Variants in RGS6 observed in about 807,000 individuals in gnomAD.
RGS6 encodes the protein regulator of G-protein signaling 6.
A neutral mutation model predicts 78.5 loss-of-function variants in RGS6; 30 were observed. The ratio of observed to expected loss-of-function variants is 0.38; its 90% CI spans 0.29 to 0.52. The LOEUF is 0.52. Among genes scored for constraint, RGS6 ranks in the 20% least tolerant of loss-of-function variants. The pLI is 0.85. For missense variants in RGS6, 495 were observed against 609.7 expected, an observed-to-expected ratio of 0.81 and a Z score of 1.98; for synonymous variants, 206 against 206.0, an observed-to-expected ratio of 1.00 and a Z score of 0.00.
At chr14:72,369,151 T>C (rs901944468) in intron 3 of RGS6, among the ~76,000 whole-genome samples, 2 of 151,410 alleles carry the variant, frequency 1.3e-5, no homozygotes, top group Admixed American at 6.6e-5. Flanking sequence ...CCATGGGCCA[T>C]GGGTTGGACA....
chr14:72,331,719 C>G (rs2075086232), intron 2 of RGS6, among the ~76,000 whole-genome samples: 1 of 152,160 alleles, frequency 6.6e-6, no homozygotes, highest in Non-Finnish European at 1.5e-5. Flanking sequence ...GGTGATACCT[C>G]CCACTGGCCT....
At chr14:71,900,624 G>A in the RGS6 span, among the ~76,000 whole-genome samples, 5 of 152,012 alleles carry the variant, frequency 3.3e-5, no homozygotes, top group Non-Finnish European at 7.4e-5. Flanking sequence ...GTTTAATGAG[G>A]GCAAAGACTA....
intron 2 of RGS6, among the ~76,000 whole-genome samples, chr14:72,072,780 C>A (rs1209780766): frequency 6.6e-6 from 1 of 152,162 alleles, no homozygotes; most frequent in Non-Finnish European, 1.5e-5. Context: ...TAAATCAATG[C>A]TAATTTTTAT....
chr14:72,195,453 T>C (rs565351849), intron 2 of RGS6, among the ~76,000 whole-genome samples: 1 of 152,192 alleles, frequency 6.6e-6, no homozygotes, highest in Admixed American at 6.5e-5. Flanking sequence ...AGATGAGGTC[T>C]ACAAGGATGA....
chr14:72,041,884 G>A (rs2092433707), intron 2 of RGS6, among the ~76,000 whole-genome samples: 1 of 152,058 alleles, frequency 6.6e-6, no homozygotes, highest in Non-Finnish European at 1.5e-5. Flanking sequence ...ACTTATCAGT[G>A]TATGAGAGTA....
At chr14:72,316,748 T>C (rs1052802940) in intron 2 of RGS6, among the ~76,000 whole-genome samples, 18 of 152,300 alleles carry the variant, frequency 1.2e-4, no homozygotes, top group African/African-American at 4.3e-4. Context: ...TCATCTCTTA[T>C]TGTATTCCAA....
the RGS6 span, among the ~76,000 whole-genome samples, chr14:71,925,414 C>A: frequency 6.6e-6 from 1 of 152,080 alleles, no homozygotes; most frequent in Non-Finnish European, 1.5e-5. Context: ...TGATGTAGTC[C>A]CACTTGTTTA....
intron 3 of RGS6, among the ~76,000 whole-genome samples, chr14:72,407,659 G>A (rs2093046224): frequency 6.6e-6 from 1 of 152,212 alleles, no homozygotes; most frequent in Non-Finnish European, 1.5e-5. Flanking sequence ...GTCAGGAAAT[G>A]TTACTTTAGA....
intron 2 of RGS6, among the ~76,000 whole-genome samples, chr14:72,343,452 G>T (rs1046854514): frequency 6.6e-5 from 10 of 152,190 alleles, no homozygotes; most frequent in African/African-American, 2.2e-4. Context: ...AGCATACCTG[G>T]ATAACCAGGG....
chr14:72,426,601 G>T (rs937654440), intron 3 of RGS6, among the ~76,000 whole-genome samples: 1 of 152,230 alleles, frequency 6.6e-6, no homozygotes, highest in Non-Finnish European at 1.5e-5. Flanking sequence ...GTAAAGTTAG[G>T]ATTTAAACAG....
intron 3 of RGS6, among the ~76,000 whole-genome samples, chr14:72,433,230 T>A (rs1053123693): frequency 1.3e-5 from 2 of 152,012 alleles, no homozygotes; most frequent in Non-Finnish European, 2.9e-5. Context: ...AAACTAGAAA[T>A]AACTTCCCTC....
At chr14:72,452,036 C>T (rs1350876445) in intron 3 of RGS6, among the ~76,000 whole-genome samples, 2 of 152,194 alleles carry the variant, frequency 1.3e-5, no homozygotes, top group Non-Finnish European at 1.5e-5. Flanking sequence ...AGGCATGAGC[C>T]ACTGCGCCTG....
At chr14:72,342,238 G>T (rs138863470) in intron 2 of RGS6, among the ~76,000 whole-genome samples, 41 of 152,178 alleles carry the variant, frequency 2.7e-4, no homozygotes, top group African/African-American at 9.9e-4. Flanking sequence ...TTTCATGCTT[G>T]TGATACTTAA....
chr14:72,313,616 G>C (rs1222711591), intron 2 of RGS6, among the ~76,000 whole-genome samples: 1 of 152,142 alleles, frequency 6.6e-6, no homozygotes, highest in East Asian at 1.9e-4. Context: ...AAGTGATTAA[G>C]AGAAGCTAGC....
intron 2 of RGS6, among the ~76,000 whole-genome samples, chr14:72,164,943 A>G (rs1247097937): frequency 3.9e-5 from 6 of 152,132 alleles, no homozygotes; most frequent in Non-Finnish European, 8.8e-5. Flanking sequence ...ATCAGGGTAA[A>G]TTTGCAAACT....
At chr14:71,955,528 T>C (rs1430619855) in intron 1 of RGS6, among the ~76,000 whole-genome samples, 1 of 152,160 alleles carries the variant, frequency 6.6e-6, no homozygotes, top group Admixed American at 6.5e-5. Flanking sequence ...GGCTATTTCT[T>C]GATTATATGC....
the RGS6 span, among the ~76,000 whole-genome samples, chr14:71,881,422 C>A: frequency 6.6e-6 from 1 of 152,290 alleles, no homozygotes; most frequent in East Asian, 1.9e-4. Flanking sequence ...CAAATCTCAT[C>A]TTGTATTGTA....
At chr14:72,588,544 T>C in the RGS6 span, among the ~76,000 whole-genome samples, 5 of 152,310 alleles carry the variant, frequency 3.3e-5, no homozygotes, top group South Asian at 1.0e-3. Context: ...GGCATTTATA[T>C]ACTTGTATTA....
At chr14:72,457,667 T>G (rs2095667216) in intron 4 of RGS6, among the ~76,000 whole-genome samples, 1 of 152,220 alleles carries the variant, frequency 6.6e-6, no homozygotes. Flanking sequence ...AAAATATAAG[T>G]ATTTCTATCA....
Sources: allele counts gnomAD v4.1 joint callset (sites outside exome capture counted in the v4.1 genomes callset), GRCh38; gene constraint gnomAD v4.1.1; transcripts MANE v1.5; gene names NCBI Gene and HGNC (gene_info 2026-07-23, HGNC 2026-07-21).